Variants in ERMARD observed in about 807,000 individuals in gnomAD.
ERMARD encodes the protein ER membrane associated RNA degradation, also known as endoplasmic reticulum membrane-associated RNA degradation protein.
A neutral mutation model predicts 83.9 loss-of-function variants in ERMARD; 71 were observed. The ratio of observed to expected loss-of-function variants is 0.85; its 90% confidence interval spans 0.70 to 1.03. The LOEUF (loss-of-function observed/expected upper bound fraction) is 1.03, where lower values mean the gene tolerates loss of function less well. Among genes scored for constraint, ERMARD ranks in the 50% least tolerant of loss-of-function variants. The pLI is 0.00. For synonymous variants in ERMARD, 284 were observed against 298.6 expected (o/e 0.95, Z 0.50); for missense variants, 838 against 810.9 (o/e 1.03, Z -0.41).
At chr6:169,760,911 C>T (rs764317058) in intron 8 of ERMARD, among the ~76,000 whole-genome samples, 155 bp downstream of exon 8, 3 of 152,148 alleles carry the variant, frequency 2.0e-5, no homozygotes, top group Non-Finnish European at 4.4e-5. Context: ...TTCATAGAGT[C>T]GCTTCAAGGA....
upstream of ERMARD, chr6:169,751,608 G>C (rs755755314): frequency 2.5e-6 from 4 of 1,586,850 alleles, no homozygotes; most frequent in Non-Finnish European, 3.4e-6. Context: ...GAGGAGGGGC[G>C]CGCAGGCGCC....
At chr6:169,777,758 C>A (rs1793758421) in intron 16 of ERMARD, among the ~76,000 whole-genome samples, 1 of 152,256 alleles carries the variant, frequency 6.6e-6, no homozygotes, top group African/African-American at 2.4e-5. Flanking sequence ...AGAGCAAGAC[C>A]TCCCCAGGCC....
At chr6:169,762,396 G>A (rs770056864) in intron 8 of ERMARD, 33 bp from the exon 9 acceptor site, 1 of 1,574,890 alleles carries the variant, frequency 6.3e-7, no homozygotes, top group South Asian at 1.1e-5. Flanking sequence ...TTTGAAATGT[G>A]GAGTTTTACC....
rs1457926738 is a variant in ERMARD, at chr6:169,751,637, C to T, written c.-21C>T. On this transcript the variant is annotated 5_prime_UTR_variant, in exon 1 of 18. Transcript: ENST00000366773. The stretch of plus-strand genomic sequence containing the variant: ...AGGCGCCTGCGTCATTCACGCGCGC[C>T]GCAGCGGGGCACCGGAAGTTATGGA... 4 of 1,569,200 alleles carry T rather than the reference C, an allele frequency of 2.5e-6. No individual in the cohort carries two copies. Among genetic ancestry groups the T allele is most frequent in the Non-Finnish European group, 3.5e-6 (4 of 1,156,928 alleles).
chr6:169,768,030 C>T (rs1247186667), intron 10 of ERMARD, 73 bp from the exon 11 acceptor site: 20 of 1,215,212 alleles, frequency 1.6e-5, no homozygotes, highest in Non-Finnish European at 2.2e-5. Flanking sequence ...GTACTATATC[C>T]ATCAACTCTG....
rs557272730 is a variant in ERMARD, at chr6:169,771,978, A to C, written c.1234-1341A>C. ...CAGTGAGCCGAGATTGTGCCACTGC[A>C]CTCCAGCCTGAATGACAGAGCAACA... On this transcript the variant is annotated intron_variant, in intron 12 of 17. Transcript: ENST00000366773. The C allele has an allele frequency of 9.2e-5, 14 of 152,378 alleles. No homozygotes were observed. In the East Asian group the frequency reaches 1.4e-3, roughly 15 times the overall value. 9.4% of individuals were successfully genotyped at this position (152,378 alleles called of 1,614,324 possible). A position where few individuals can be genotyped will look rare whatever the true frequency, so the allele number is the denominator to read the frequency against.
intron 12 of ERMARD, among the ~76,000 whole-genome samples, chr6:169,770,106 G>A (rs1024461207): frequency 2.1e-5 from 3 of 140,202 alleles, no homozygotes; most frequent in African/African-American, 8.2e-5. Flanking sequence ...AATAATTTAG[G>A]ATAGAACATT....
intron 16 of ERMARD, among the ~76,000 whole-genome samples, chr6:169,778,849 AG>A (rs374562974): frequency 1.3e-5 from 2 of 152,364 alleles, no homozygotes; most frequent in East Asian, 1.9e-4. Flanking sequence ...GGCAGCGAGC[AG>A]GGGGGCTGCT....
chr6:169,772,522 T>C (rs990025004), intron 12 of ERMARD, among the ~76,000 whole-genome samples: 6 of 152,094 alleles, frequency 3.9e-5, no homozygotes, highest in South Asian at 4.1e-4. Flanking sequence ...TCCCAGCACT[T>C]TGGGAGGCCG....
At chr6:169,756,464 T>C (rs1363195502) in intron 4 of ERMARD, 25 bp downstream of exon 4, 5 of 1,480,396 alleles carry the variant, frequency 3.4e-6, no homozygotes, top group Non-Finnish European at 4.7e-6. Flanking sequence ...TCTTTCATTA[T>C]TGGCCCATTA....
At chr6:169,780,818 T>C (rs934923912) in intron 17 of ERMARD, among the ~76,000 whole-genome samples, 1 of 152,166 alleles carries the variant, frequency 6.6e-6, no homozygotes, top group African/African-American at 2.4e-5. Flanking sequence ...CAAACACAGA[T>C]TGAAATTACA....
intron 12 of ERMARD, 119 bp from the exon 13 acceptor site, chr6:169,773,200 C>T: frequency 3.9e-6 from 3 of 779,086 alleles, no homozygotes; most frequent in South Asian, 1.9e-5. Context: ...TTTCTAGCTG[C>T]ATAGAATTAT....
In ERMARD at chr6:169,773,345, T is replaced by A. The variant is rs751132928; in HGVS notation, c.1260T>A (p.Ile420=). ...FKEKSAVELL[I]SLAEGYSSRC... is the part of the protein sequence containing the mutation. The stretch of plus-strand genomic sequence containing the variant: ...AAAAATCAGCCGTAGAATTGTTGAT[T>A]AGTCTTGCAGAAGGCTATAGTTCTC... Residue 420 remains isoleucine, a synonymous_variant, in exon 13 of 18, where the codon ATT becomes ATA. Coordinates refer to ENST00000366773, the MANE Select transcript of ERMARD (RefSeq NM_018341.3). 6.2e-7 allele frequency: 1 copy of A among 1,614,144 alleles called. No homozygotes were observed. The highest frequency in any genetic ancestry group is 8.5e-7 in the Non-Finnish European group (1 of 1,180,000).
chr6:169,776,253 A>G, intron 15 of ERMARD, 188 bp downstream of exon 15: 1 of 1,537,268 alleles, frequency 6.5e-7, no homozygotes, highest in Non-Finnish European at 8.8e-7. Flanking sequence ...ACATCTGATG[A>G]GGCTGTGAAT....
intron 9 of ERMARD, among the ~76,000 whole-genome samples, chr6:169,764,663 G>T (rs556675809): frequency 3.0e-4 from 46 of 152,244 alleles, no homozygotes; most frequent in Non-Finnish European, 5.9e-4. Context: ...CTGCCTGCCA[G>T]ATGGAGTTCA....
At chr6:169,776,943 C>T (rs1269284308) in intron 16 of ERMARD, among the ~76,000 whole-genome samples, 2 of 152,098 alleles carry the variant, frequency 1.3e-5, no homozygotes, top group Admixed American at 6.5e-5. Flanking sequence ...GTACTTGGGG[C>T]GAAGTTTGCT....
chr6:169,759,674 G>A (rs546472834), intron 6 of ERMARD, among the ~76,000 whole-genome samples, 164 bp from the exon 7 acceptor site: 98 of 152,192 alleles, frequency 6.4e-4, no homozygotes, highest in African/African-American at 2.3e-3. Context: ...TGCACGCCTC[G>A]GCCTCCCAGA....
intron 15 of ERMARD, 56 bp from the exon 16 acceptor site, chr6:169,776,399 G>C (rs1554240890): frequency 1.2e-5 from 19 of 1,579,496 alleles, no homozygotes; most frequent in Non-Finnish European, 1.5e-5. Flanking sequence ...TGCAGAAGGA[G>C]AGTGAGGCCC....
At chr6:169,755,684 C>T (rs1450850565) in intron 3 of ERMARD, 1 of 406,912 alleles carries the variant, frequency 2.5e-6, no homozygotes, top group African/African-American at 2.0e-5. Context: ...CACACGGTGC[C>T]CATCCAAGGA....
Sources: allele counts gnomAD v4.1 joint callset (sites outside exome capture counted in the v4.1 genomes callset), GRCh38; gene constraint gnomAD v4.1.1; transcripts MANE v1.5; gene names NCBI Gene and HGNC (gene_info 2026-07-23, HGNC 2026-07-21).